The following HPSE2 variants were observed in gnomAD, a reference collection of about 807,000 sequenced individuals.
The protein encoded by HPSE2 is heparanase 2 (inactive).
A neutral mutation model predicts 60.5 loss-of-function variants in HPSE2; 38 were observed. The ratio of observed to expected loss-of-function variants is 0.63; its 90% CI spans 0.48 to 0.82. HPSE2 has a LOEUF of 0.82. Among genes scored for constraint, HPSE2 ranks in the 40% least tolerant of loss-of-function variants. HPSE2 has a pLI of 0.00. For synonymous variants in HPSE2, 295 were observed against 293.2 expected, an observed-to-expected ratio of 1.01 and a Z score of -0.06; for missense variants, 713 against 740.4, an observed-to-expected ratio of 0.96 and a Z score of 0.43.
intron 3 of HPSE2, among the ~76,000 whole-genome samples, chr10:99,134,554 G>T (rs1845569481): frequency 6.6e-6 from 1 of 152,122 alleles, no homozygotes; most frequent in African/African-American, 2.4e-5. Context: ...AGAAAAGAAT[G>T]GGGCCAATAT....
intron 9 of HPSE2, among the ~76,000 whole-genome samples, chr10:98,588,313 C>G (rs1029919458): frequency 6.6e-6 from 1 of 152,000 alleles, no homozygotes; most frequent in African/African-American, 2.4e-5. Context: ...GAAAAGAGGC[C>G]CAGTGTTTAT....
the HPSE2 span, among the ~76,000 whole-genome samples, chr10:99,256,916 G>A: frequency 3.3e-5 from 5 of 152,168 alleles, no homozygotes; most frequent in Non-Finnish European, 7.3e-5. Flanking sequence ...CAAATCAAGG[G>A]ATTGGCTGAA....
intron 6 of HPSE2, among the ~76,000 whole-genome samples, chr10:98,662,475 T>C (rs1008444793): frequency 2.6e-5 from 4 of 152,196 alleles, no homozygotes; most frequent in African/African-American, 9.7e-5. Flanking sequence ...AAATACTGCA[T>C]GTTCTCACTT....
chr10:98,608,330 C>T (rs997045992), intron 9 of HPSE2, among the ~76,000 whole-genome samples: 2 of 152,180 alleles, frequency 1.3e-5, no homozygotes, highest in East Asian at 1.9e-4. Context: ...AGGTCTAGAG[C>T]GCTTTCTGTT....
At chr10:98,690,121 C>T (rs1948035629) in intron 6 of HPSE2, among the ~76,000 whole-genome samples, 1 of 152,172 alleles carries the variant, frequency 6.6e-6, no homozygotes, top group Non-Finnish European at 1.5e-5. Flanking sequence ...CCTTGGAGTT[C>T]CTTCTTTTTG....
chr10:98,505,695 G>T (rs1013971350), intron 9 of HPSE2, among the ~76,000 whole-genome samples: 11 of 152,022 alleles, frequency 7.2e-5, no homozygotes, highest in African/African-American at 2.7e-4. Context: ...ATCTAGAATT[G>T]GTCTGGGGTA....
the HPSE2 span, among the ~76,000 whole-genome samples, chr10:99,298,248 C>T: frequency 6.6e-6 from 1 of 152,256 alleles, no homozygotes; most frequent in East Asian, 1.9e-4. Flanking sequence ...ACAACCCTCA[C>T]TCTCTGTGGA....
At chr10:98,760,853 T>C (rs1238839838) in intron 3 of HPSE2, among the ~76,000 whole-genome samples, 5 of 152,144 alleles carry the variant, frequency 3.3e-5, no homozygotes, top group Non-Finnish European at 7.4e-5. Context: ...TTTGAAAGTG[T>C]TCCCTCCTCT....
At chr10:98,977,417 G>A (rs762048199) in intron 3 of HPSE2, among the ~76,000 whole-genome samples, 8 of 152,166 alleles carry the variant, frequency 5.3e-5, no homozygotes, top group Non-Finnish European at 8.8e-5. Context: ...CACTGGGGAG[G>A]TACTAGGCAA....
intron 5 of HPSE2, among the ~76,000 whole-genome samples, chr10:98,720,687 C>G (rs189390828): frequency 6.6e-6 from 1 of 152,162 alleles, no homozygotes; most frequent in Admixed American, 6.5e-5. Flanking sequence ...TATAGCTGTG[C>G]TATGTATTAC....
At chr10:99,176,505 G>A (rs1847531760) in intron 2 of HPSE2, among the ~76,000 whole-genome samples, 2 of 152,024 alleles carry the variant, frequency 1.3e-5, no homozygotes, top group African/African-American at 4.8e-5. Flanking sequence ...AATCAATCAA[G>A]TGGAAGAAAG....
rs199977715 is a variant in HPSE2, at chr10:99,233,217, C to CA, written c.291-713_291-712insT. 0.017 allele frequency among the ~76,000 whole-genome samples: 42 copies of CA among 2,520 alleles called. No homozygotes were observed. The East Asian group carries it at 0.17, about 10-fold the overall frequency. The allele number at this position is 2,520 out of a possible 152,430, so 1.7% of individuals were successfully genotyped here. ...CACTCCCGCACCACCACCACCACCA[C>CA]CACACACACACACAGTAAAGGCAAA... On this transcript the variant is annotated intron_variant, in intron 1 of 11. Transcript: ENST00000370552.
Position 99,177,071 on chromosome 10 carries a change from G to A in HPSE2, c.449-32672C>T, listed in dbSNP as rs188194226. 1.7e-3 allele frequency among the ~76,000 whole-genome samples: 265 copies of A among 152,150 alleles called. 1 individual carries two copies. Among genetic ancestry groups the A allele is most frequent in the African/African-American group, 6.2e-3 (259 of 41,496 alleles). On this transcript the variant is annotated intron_variant, in intron 2 of 11. Coordinates refer to ENST00000370552, the MANE Select transcript of HPSE2 (RefSeq NM_021828.5). Reference sequence around the variant, plus strand: ...AAATCCTTTACAAACAAGCAAATGCGCAGAGATTTTCACACCACCAGGTTT... The same window carrying A: ...AAATCCTTTACAAACAAGCAAATGCACAGAGATTTTCACACCACCAGGTTT...
intron 9 of HPSE2, among the ~76,000 whole-genome samples, chr10:98,599,064 C>A: frequency 6.6e-6 from 1 of 152,062 alleles, no homozygotes; most frequent in East Asian, 1.9e-4. Flanking sequence ...GTCCAACCAG[C>A]ACTGGGATCT....
rs577604029 is a variant in HPSE2 at position 98,473,310 on chromosome 10, C to A, written c.1613+9326G>T. ...GACCAGCCTGACCAACATGGTGAAA[C>A]CCCGTCTCTACTAAAAATACAAAAA... On this transcript the variant is annotated intron_variant, in intron 11 of 11. Transcript: ENST00000370552. Among the ~76,000 whole-genome samples, 335 of 151,796 alleles carry A rather than the reference C, an allele frequency of 2.2e-3. 1 individual carries two copies. The highest frequency in any genetic ancestry group is 7.6e-3 in the African/African-American group (313 of 41,400).
At chr10:99,143,073 A>G (rs1457481033) in intron 3 of HPSE2, among the ~76,000 whole-genome samples, 1 of 152,138 alleles carries the variant, frequency 6.6e-6, no homozygotes, top group Non-Finnish European at 1.5e-5. Context: ...AATTTCACTA[A>G]CCAATTTAGG....
intron 9 of HPSE2, among the ~76,000 whole-genome samples, chr10:98,575,090 GCAAA>G (rs1420457819): frequency 6.6e-6 from 1 of 150,672 alleles, no homozygotes; most frequent in African/African-American, 2.4e-5. Flanking sequence ...AGAGCCCTCA[GCAAA>G]CAGTCTGAGC....
At chr10:99,015,306 T>C (rs888985818) in intron 3 of HPSE2, among the ~76,000 whole-genome samples, 3 of 152,134 alleles carry the variant, frequency 2.0e-5, no homozygotes, top group African/African-American at 7.2e-5. Flanking sequence ...GACCCAGCCA[T>C]CCCATTACTG....
chr10:98,561,078 G>GCTT (rs1944162063), intron 9 of HPSE2, among the ~76,000 whole-genome samples: 1 of 152,090 alleles, frequency 6.6e-6, no homozygotes, highest in African/African-American at 2.4e-5. Context: ...CATTGGTATA[G>GCTT]GAAGTGAGAG....
Sources: allele counts gnomAD v4.1 joint callset (sites outside exome capture counted in the v4.1 genomes callset), GRCh38; gene constraint gnomAD v4.1.1; transcripts MANE v1.5; gene names NCBI Gene and HGNC (gene_info 2026-07-23, HGNC 2026-07-21).